Variants in FANK1 observed in about 807,000 individuals in gnomAD.
FANK1 encodes fibronectin type III and ankyrin repeat domains 1.
FANK1 carries 44 observed loss-of-function variants against 45.3 expected under a neutral mutation model. That is an observed-to-expected ratio of 0.97 (90% CI 0.76 to 1.25). The LOEUF (loss-of-function observed/expected upper bound fraction) is 1.25. FANK1 is among the 50% of genes most tolerant of loss of function. FANK1 has a pLI of 0.00. For synonymous variants in FANK1, 149 were observed against 152.5 expected (o/e 0.98, Z 0.17); for missense variants, 391 against 424.4 (o/e 0.92, Z 0.69).
intron 2 of FANK1, among the ~76,000 whole-genome samples, chr10:125,988,211 T>C (rs955587236): frequency 1.3e-5 from 2 of 152,208 alleles, no homozygotes; most frequent in South Asian, 4.1e-4. Context: ...ATTACAAATA[T>C]ATGATTTGAC....
At chr10:125,940,554 G>A (rs943346249) in intron 1 of FANK1, among the ~76,000 whole-genome samples, 1 of 152,218 alleles carries the variant, frequency 6.6e-6, no homozygotes, top group African/African-American at 2.4e-5. Flanking sequence ...ATTTTATACC[G>A]AGACATTCTG....
intron 1 of FANK1, among the ~76,000 whole-genome samples, chr10:125,918,608 A>C (rs73368609): frequency 1.6e-5 from 2 of 124,016 alleles, no homozygotes; most frequent in Admixed American, 8.8e-5. Flanking sequence ...ATATATATAT[A>C]GTTATATATA....
intron 6 of FANK1, among the ~76,000 whole-genome samples, chr10:125,999,100 CG>C (rs1952559829): frequency 6.6e-6 from 1 of 151,924 alleles, no homozygotes; most frequent in Non-Finnish European, 1.5e-5. Flanking sequence ...AATTTTTTAA[CG>C]TAACATTTTC....
chr10:125,918,759 C>A (rs1481988493), intron 1 of FANK1, among the ~76,000 whole-genome samples: 3 of 151,286 alleles, frequency 2.0e-5, no homozygotes. Context: ...GATGAGGAAA[C>A]TGAGGCTCAG....
Position 125,988,568 on chromosome 10 carries a change from A to G in FANK1, c.209A>G (p.His70Arg). 2 of 1,614,158 alleles carry G rather than the reference A, an allele frequency of 1.2e-6. No individual in the cohort carries two copies. Among genetic ancestry groups the G allele is most frequent in the Non-Finnish European group, 1.7e-6 (2 of 1,180,002 alleles). Residue 70 changes from histidine to arginine, a missense_variant, in exon 3 of 11, where the codon CAT (histidine) becomes CGT (arginine). Coordinates refer to ENST00000368693, the MANE Select transcript of FANK1 (RefSeq NM_145235.5). ...GIIYTGYATK[H>R]VVEGLEPRTL... ...CTGTCTAGGGGATATGCAACGAAGC[A>G]TGTTGTTGAAGGTCTGGAACCAAGG...
chr10:125,945,709 A>G (rs1022178359), intron 1 of FANK1, among the ~76,000 whole-genome samples: 29 of 152,312 alleles, frequency 1.9e-4, no homozygotes, highest in African/African-American at 7.0e-4. Flanking sequence ...TGCTTAGGTA[A>G]ACAAAGCAGC....
At chr10:125,925,270 C>T (rs1438318393) in intron 1 of FANK1, among the ~76,000 whole-genome samples, 1 of 152,248 alleles carries the variant, frequency 6.6e-6, no homozygotes, top group African/African-American at 2.4e-5. Flanking sequence ...GCATATGATT[C>T]AAAAAATATA....
chr10:125,979,498 A>C (rs1259881537), intron 1 of FANK1, among the ~76,000 whole-genome samples: 2 of 152,204 alleles, frequency 1.3e-5, no homozygotes, highest in Non-Finnish European at 2.9e-5. Flanking sequence ...GGCACATGAG[A>C]ATATCCTCTC....
chr10:125,931,051 C>T (rs1053166198), intron 1 of FANK1, among the ~76,000 whole-genome samples: 7 of 152,218 alleles, frequency 4.6e-5, no homozygotes, highest in African/African-American at 1.7e-4. Context: ...TTAATTTACT[C>T]CTTTTTATGA....
intron 1 of FANK1, among the ~76,000 whole-genome samples, chr10:125,940,701 G>T (rs1395953958): frequency 2.6e-5 from 4 of 152,020 alleles, no homozygotes; most frequent in African/African-American, 4.8e-5. Context: ...CCCTTCGCAC[G>T]AGGCCATATC....
At chr10:125,960,988 A>G (rs1447850099) in intron 1 of FANK1, among the ~76,000 whole-genome samples, 1 of 152,248 alleles carries the variant, frequency 6.6e-6, no homozygotes. Flanking sequence ...TTCAAAATAT[A>G]CTACAAAGCT....
chr10:125,952,488 G>A (rs763262478), intron 1 of FANK1, among the ~76,000 whole-genome samples: 30 of 152,118 alleles, frequency 2.0e-4, no homozygotes, highest in African/African-American at 6.3e-4. Context: ...GTTCAGAGAA[G>A]ATGTTTTTTA....
chr10:125,977,020 T>G (rs182835909), intron 1 of FANK1, among the ~76,000 whole-genome samples: 1 of 152,190 alleles, frequency 6.6e-6, no homozygotes, highest in African/African-American at 2.4e-5. Context: ...CATTTTACTG[T>G]GATTGTTCTT....
intron 1 of FANK1, among the ~76,000 whole-genome samples, chr10:125,936,982 G>A (rs1200840001): frequency 2.0e-5 from 3 of 152,028 alleles, no homozygotes; most frequent in Non-Finnish European, 4.4e-5. Context: ...CAGGATAATC[G>A]CTTGAACCCG....
At chr10:125,923,856 T>A (rs9794676) in intron 1 of FANK1, among the ~76,000 whole-genome samples, 146 of 148,058 alleles carry the variant, frequency 9.9e-4, no homozygotes, top group Middle Eastern at 3.5e-3. Context: ...TTCAGAGTCT[T>A]TCTATCTGTA....
At chr10:125,959,145 C>G (rs1242762275) in intron 1 of FANK1, among the ~76,000 whole-genome samples, 2 of 151,868 alleles carry the variant, frequency 1.3e-5, no homozygotes, top group Non-Finnish European at 2.9e-5. Context: ...GCCTGTAATC[C>G]CAGCACTTTG....
At chr10:125,995,297 A>G in intron 3 of FANK1, 120 bp from the exon 4 acceptor site, 2 of 835,312 alleles carry the variant, frequency 2.4e-6, no homozygotes, top group Non-Finnish European at 4.0e-6. Flanking sequence ...AGATATACTT[A>G]ACAGGAATAG....
At chr10:125,936,964 G>A (rs534938821) in intron 1 of FANK1, among the ~76,000 whole-genome samples, 1 of 152,204 alleles carries the variant, frequency 6.6e-6, no homozygotes, top group South Asian at 2.1e-4. Context: ...CTACTCCGGA[G>A]GCTGAGGCAG....
In FANK1 at chr10:125,983,860, A is replaced by G. The variant is rs1394520658; in HGVS notation, c.191+3522A>G. Among the ~76,000 whole-genome samples the G allele has an allele frequency of 6.6e-6, 1 of 152,102 alleles. No homozygotes were observed. Among genetic ancestry groups the G allele is most frequent in the Non-Finnish European group, 1.5e-5 (1 of 68,034 alleles). On this transcript the variant is annotated intron_variant, in intron 2 of 10. Transcript: ENST00000368693. This position sits in a 1 kb window ranked among gnomAD's most constrained non-coding sequence, Gnocchi z 4.3. ...GGTGTGATCCGGCTTATGTTTTACG[A>G]GGATCCCTCTGGCTGCTGAGTTGGG...
Sources: allele counts gnomAD v4.1 joint callset (sites outside exome capture counted in the v4.1 genomes callset), GRCh38; gene constraint gnomAD v4.1.1; non-coding constraint Gnocchi (gnomAD v3.1); transcripts MANE v1.5; gene names NCBI Gene and HGNC (gene_info 2026-07-23, HGNC 2026-07-21).